POLE2: variants seen among roughly 807,000 people sequenced by gnomAD.
POLE2 encodes the protein DNA polymerase epsilon subunit 2.
A neutral mutation model predicts 79.4 loss-of-function variants in POLE2; 56 were observed. That is an observed-to-expected ratio of 0.71 (90% confidence interval 0.57 to 0.88). POLE2 has a LOEUF of 0.88. POLE2 is among the 40% of genes least tolerant of loss of function. POLE2 has a pLI of 0.00. For synonymous variants in POLE2, 212 were observed against 214.0 expected, an observed-to-expected ratio of 0.99 and a Z score of 0.08; for missense variants, 598 against 638.9, an observed-to-expected ratio of 0.94 and a Z score of 0.69.
chr14:49,669,870 AC>A (rs1169407417), intron 5 of POLE2, among the ~76,000 whole-genome samples: 1 of 152,202 alleles, frequency 6.6e-6, no homozygotes, highest in African/African-American at 2.4e-5. Context: ...ACCAAGTGTC[AC>A]CCTGAGAGCA....
intron 17 of POLE2, among the ~76,000 whole-genome samples, chr14:49,649,127 A>ATT (rs1883994886): frequency 9.4e-6 from 1 of 106,494 alleles, no homozygotes; most frequent in Admixed American, 9.5e-5. Flanking sequence ...AGTCAATTAT[A>ATT]TTTCTTTCCC....
chr14:49,671,271 A>G (rs1885868436), intron 5 of POLE2, among the ~76,000 whole-genome samples: 1 of 152,188 alleles, frequency 6.6e-6, no homozygotes, highest in Non-Finnish European at 1.5e-5. Flanking sequence ...GTCTGATCAC[A>G]GGGATAAGCA....
chr14:49,668,289 G>A (rs368877870), intron 6 of POLE2, among the ~76,000 whole-genome samples: 94 of 151,800 alleles, frequency 6.2e-4, no homozygotes, highest in African/African-American at 2.1e-3. Flanking sequence ...AAAGGAAAGG[G>A]AAGGAGGAAG....
intron 10 of POLE2, among the ~76,000 whole-genome samples, chr14:49,658,925 G>A (rs560049696): frequency 1.3e-5 from 2 of 151,906 alleles, no homozygotes; most frequent in African/African-American, 4.8e-5. Context: ...AACAGCCTCA[G>A]GCAGGTCCTT....
intron 1 of POLE2, among the ~76,000 whole-genome samples, chr14:49,687,753 A>T (rs1887259614): frequency 6.6e-6 from 1 of 151,934 alleles, no homozygotes; most frequent in Non-Finnish European, 1.5e-5. Context: ...AGGATGGAGT[A>T]GAGTGGCACG....
Position 49,674,138 on chromosome 14 carries a change from A to G in POLE2, c.402T>C (p.Tyr134=), listed in dbSNP as rs1230765594. Residue 134 remains tyrosine (Y), a synonymous_variant, in exon 5 of 19, where the codon TAT becomes TAC. Coordinates refer to ENST00000216367, the MANE Select transcript of POLE2 (RefSeq NM_002692.4). ...CCAAACTTACCTGGTGCAAAATGGT[A>G]TATCGCTCACGAAACATCTCTGCTT... is the stretch of plus-strand genomic sequence containing the variant. ...RDKAEMFRER[Y]TILHQRTHRH... The G allele has an allele frequency of 1.2e-5, 19 of 1,610,446 alleles. No homozygotes were observed. The highest frequency in any genetic ancestry group is 3.3e-5 in the South Asian group (3 of 91,000).
At chr14:49,687,524 G>A (rs1887240606) in intron 1 of POLE2, among the ~76,000 whole-genome samples, 1 of 151,896 alleles carries the variant, frequency 6.6e-6, no homozygotes, top group African/African-American at 2.4e-5. Flanking sequence ...AACCTTCCCG[G>A]GAGCCTGAGA....
At chr14:49,666,933 G>C (rs1885525518) in intron 6 of POLE2, among the ~76,000 whole-genome samples, 1 of 152,218 alleles carries the variant, frequency 6.6e-6, no homozygotes, top group South Asian at 2.1e-4. Context: ...AGGTGCAGTG[G>C]CTCACGCCTG....
intron 10 of POLE2, among the ~76,000 whole-genome samples, chr14:49,656,776 C>A (rs1157094432): frequency 6.6e-6 from 1 of 152,094 alleles, no homozygotes; most frequent in East Asian, 1.9e-4. Context: ...TCCCATTATA[C>A]ACTCTCATAG....
At chr14:49,668,650 A>C (rs1885663564) in intron 6 of POLE2, among the ~76,000 whole-genome samples, 1 of 152,202 alleles carries the variant, frequency 6.6e-6, no homozygotes, top group Admixed American at 6.5e-5. Context: ...CCTTAAAATT[A>C]CTTTGTCAAA....
Position 49,643,618 on chromosome 14 carries a change from C to A in POLE2, c.*34G>T. 1 of 1,222,572 alleles carries A rather than the reference C, an allele frequency of 8.2e-7. No homozygotes were observed. 75.7% of individuals were successfully genotyped at this position (1,222,572 alleles called of 1,614,324 possible). ...ATAAGATATAGAGTTAAGCAGAAAA[C>A]TGATGAATTTTCTTCAGATGATCTT... On this transcript the variant is annotated 3_prime_UTR_variant, in exon 19 of 19. Coordinates refer to ENST00000216367, the MANE Select transcript of POLE2 (RefSeq NM_002692.4).
chr14:49,682,536 C>T (rs866288831), intron 2 of POLE2, among the ~76,000 whole-genome samples: 10 of 146,340 alleles, frequency 6.8e-5, no homozygotes, highest in African/African-American at 2.5e-4. Flanking sequence ...ACTCGGGAGG[C>T]TGAGGCAGGA....
At chr14:49,686,616 T>G (rs533060445) in intron 1 of POLE2, among the ~76,000 whole-genome samples, 153 of 152,334 alleles carry the variant, frequency 1.0e-3, no homozygotes, top group Non-Finnish European at 1.8e-3. Context: ...TGGGGTAATT[T>G]GTCACGCAGC....
At chr14:49,655,922 G>T in intron 10 of POLE2, 79 bp from the exon 11 acceptor site, 1 of 718,192 alleles carries the variant, frequency 1.4e-6, no homozygotes, top group Non-Finnish European at 2.3e-6. Flanking sequence ...TAGCTTCTTT[G>T]TATCTAATGA....
At position 49,647,436 on chromosome 14, in the gene POLE2, ATATTTTT is replaced by A. The variant is rs1427105327; in HGVS notation, c.1498-83_1498-77del. ...ATAAATTTTTTTAAACACAATATGT[ATATTTTT>A]TATTTTTTATTTTATTTATTTATTT... On this transcript the variant is annotated intron_variant, in intron 17 of 18. Coordinates refer to ENST00000216367, the MANE Select transcript of POLE2 (RefSeq NM_002692.4). 2.2e-5 allele frequency: 11 copies of A among 506,014 alleles called. No homozygotes were observed. The Admixed American group carries it at 3.1e-4, about 14-fold the overall frequency. The allele number at this position is 506,014 out of a possible 1,614,324, so 31.3% of individuals were successfully genotyped here.
intron 1 of POLE2, among the ~76,000 whole-genome samples, chr14:49,686,657 C>T (rs1010128613): frequency 1.3e-5 from 2 of 152,192 alleles, no homozygotes; most frequent in African/African-American, 2.4e-5. Flanking sequence ...CCCTACAAAG[C>T]TCTTGCTCTC....
Position 49,688,208 on chromosome 14 carries a change from G to C in POLE2, c.-5C>G, listed in dbSNP as rs548000586. 6.6e-7 allele frequency: 1 copy of C among 1,523,498 alleles called. No individual in the cohort carries two copies. The highest frequency in any genetic ancestry group is 2.6e-5 in the East Asian group (1 of 37,888). 94.4% of individuals were successfully genotyped at this position (1,523,498 alleles called of 1,614,324 possible). The stretch of plus-strand genomic sequence containing the variant: ...CCGCAGCCGCTCCGGCGCCATATTT[G>C]CGATTTGGCGCCACCGCCGCAGCTC... On this transcript the variant is annotated 5_prime_UTR_variant, in exon 1 of 19. Transcript: ENST00000216367.
intron 3 of POLE2, among the ~76,000 whole-genome samples, chr14:49,674,661 G>A (rs923308407): frequency 7.2e-5 from 11 of 152,130 alleles, no homozygotes; most frequent in African/African-American, 2.4e-4. Flanking sequence ...CCGCCTCCTG[G>A]GTTCAAGCGA....
At chr14:49,685,563 A>G (rs1052281541) in intron 1 of POLE2, among the ~76,000 whole-genome samples, 3 of 151,912 alleles carry the variant, frequency 2.0e-5, no homozygotes, top group Admixed American at 2.0e-4. Context: ...GGGTCTTTAT[A>G]TGGCCATTTC....
Sources: gnomAD v4.1 joint callset for allele counts (sites outside exome capture counted in the v4.1 genomes callset) on GRCh38, gnomAD v4.1.1 for gene constraint, MANE v1.5 for transcripts, NCBI Gene and HGNC (gene_info 2026-07-23, HGNC 2026-07-21) for gene names.